AGPAT3: variants seen among roughly 807,000 people sequenced by gnomAD.
AGPAT3 encodes the protein 1-acyl-sn-glycerol-3-phosphate acyltransferase gamma.
Under a neutral mutation model 47.3 loss-of-function variants are expected in AGPAT3, and 5 were observed. That is an observed-to-expected ratio of 0.11 (90% CI 0.06 to 0.22). The LOEUF (loss-of-function observed/expected upper bound fraction) is 0.22, where lower values mean the gene tolerates loss of function less well. Among genes scored for constraint, AGPAT3 ranks in the 10% least tolerant of loss-of-function variants. The pLI, the probability that AGPAT3 is intolerant of heterozygous loss-of-function variation, is 1.00. For missense variants in AGPAT3, 315 were observed against 493.0 expected (o/e 0.64, Z 3.42); for synonymous variants, 212 against 208.3 (o/e 1.02, Z -0.15).
At chr21:43,926,978 CAA>C (rs905520861) in intron 2 of AGPAT3, among the ~76,000 whole-genome samples, 6 of 54,478 alleles carry the variant, frequency 1.1e-4, no homozygotes, top group African/African-American at 3.2e-4. Context: ...GACTCTGTCT[CAA>C]AAAAAAAAAA....
chr21:43,940,285 A>T (rs1352199998), intron 2 of AGPAT3, among the ~76,000 whole-genome samples: 1 of 152,164 alleles, frequency 6.6e-6, no homozygotes, highest in African/African-American at 2.4e-5. Flanking sequence ...CTTCTCAGGG[A>T]TCTGTGTGGC....
At chr21:43,868,184 A>G (rs1746697591) in intron 1 of AGPAT3, among the ~76,000 whole-genome samples, 1 of 152,196 alleles carries the variant, frequency 6.6e-6, no homozygotes, top group Admixed American at 6.5e-5. Context: ...GTTGATGGTG[A>G]AAGTTGGCCA....
At chr21:43,871,141 T>A (rs1177875181) in intron 1 of AGPAT3, among the ~76,000 whole-genome samples, 1 of 152,258 alleles carries the variant, frequency 6.6e-6, no homozygotes, top group Non-Finnish European at 1.5e-5. Context: ...GGCTACAGTA[T>A]TTATTTCTTG....
Position 43,970,771 on chromosome 21 carries a change from G to A in AGPAT3, c.629G>A (p.Gly210Asp). The A allele has an allele frequency of 6.2e-7, 1 of 1,601,968 alleles. No individual in the cohort carries two copies. The highest frequency in any genetic ancestry group is 8.5e-7 in the Non-Finnish European group (1 of 1,171,380). The change falls in exon 6 of 10, where the codon GGC becomes GAC. Residue 210 changes from glycine to aspartate, a missense_variant. Transcript: ENST00000291572. This position sits in a 1 kb window ranked among gnomAD's most constrained non-coding sequence, Gnocchi z 5.8. ...TACCACCTGCTGCCGCGGACCAAGG[G>A]CTTCACCACCGCAGTCAAGTGCCTC... ...LKYHLLPRTK[G>D]FTTAVKCLRG...
intron 2 of AGPAT3, among the ~76,000 whole-genome samples, chr21:43,956,733 A>G (rs989333942): frequency 6.6e-6 from 1 of 152,198 alleles, no homozygotes; most frequent in Non-Finnish European, 1.5e-5. Flanking sequence ...AGGTTTGACC[A>G]GGGCCAGAGG....
chr21:43,975,377 C>T (rs574908127), intron 7 of AGPAT3, among the ~76,000 whole-genome samples: 53 of 148,590 alleles, frequency 3.6e-4, no homozygotes, highest in African/African-American at 1.2e-3. Flanking sequence ...CATGTGCTGG[C>T]ATGTGTCGGT....
At chr21:43,873,168 C>T (rs2085658353) in intron 1 of AGPAT3, among the ~76,000 whole-genome samples, 1 of 152,070 alleles carries the variant, frequency 6.6e-6, no homozygotes, top group Non-Finnish European at 1.5e-5. Context: ...CTGAGGTGCT[C>T]ATAGTGGCAT....
rs778066181 is a variant in AGPAT3, at chr21:43,981,213, C to T, written c.1042+26C>T. 5 of 1,610,948 alleles carry T rather than the reference C, an allele frequency of 3.1e-6. No individual in the cohort carries two copies. In the South Asian group the frequency reaches 4.4e-5, roughly 14 times the overall value. ...GTAATGGACACTGTCGCTAACAGCT[C>T]ACACTCTGACGGGCCTCACAGTATC... On this transcript the variant is annotated intron_variant, in intron 9 of 9. Transcript: ENST00000291572. The surrounding 1 kb of genome is among the most constrained non-coding windows in gnomAD (Gnocchi z 5.3).
Position 43,880,353 on chromosome 21 carries a change from C to T in AGPAT3, c.-112+15008C>T, listed in dbSNP as rs577884486. On this transcript the variant is annotated intron_variant, in intron 1 of 9. Transcript: ENST00000291572. The surrounding 1 kb of genome is among the most constrained non-coding windows in gnomAD (Gnocchi z 4.5). ...CACACTGGAGAGGCATCTGCAGGGG[C>T]GGGGTGGGGCTCCTGGTCAGCCTGT... Among the ~76,000 whole-genome samples the T allele has an allele frequency of 2.6e-5, 4 of 152,268 alleles. No homozygotes were observed. Among genetic ancestry groups the T allele is most frequent in the South Asian group, 2.1e-4 (1 of 4,826 alleles).
At position 43,913,132 on chromosome 21, in the gene AGPAT3, C is replaced by A. The variant is rs551599723; in HGVS notation, c.-49+9113C>A. 7.2e-5 allele frequency among the ~76,000 whole-genome samples: 11 copies of A among 152,330 alleles called. No homozygotes were observed. The South Asian group carries it at 2.3e-3, about 32-fold the overall frequency. ...TCAGATGAACTTTGTTAGTCAATTT[C>A]CTCATAGCAAACCATCCTTGCATTC... On this transcript the variant is annotated intron_variant, in intron 2 of 9. Coordinates refer to ENST00000291572, the MANE Select transcript of AGPAT3 (RefSeq NM_020132.5).
intron 2 of AGPAT3, 125 bp from the exon 3 acceptor site, chr21:43,959,509 G>C (rs2088719770): frequency 1.2e-6 from 1 of 808,958 alleles, no homozygotes; most frequent in Non-Finnish European, 2.0e-6. Flanking sequence ...GGTTTGCAGT[G>C]TGCTGTGCAG....
intron 1 of AGPAT3, among the ~76,000 whole-genome samples, chr21:43,878,369 G>T (rs1175012784): frequency 2.0e-5 from 3 of 152,214 alleles, no homozygotes; most frequent in African/African-American, 7.2e-5. Flanking sequence ...TGTCTCTGCG[G>T]CCTGCCCGCT....
chr21:43,913,635 T>C (rs2086671421), intron 2 of AGPAT3, among the ~76,000 whole-genome samples: 1 of 152,208 alleles, frequency 6.6e-6, no homozygotes. Flanking sequence ...GAGTTGCGGC[T>C]ATTGTGGTCC....
In AGPAT3 at chr21:43,970,626, G is replaced by C. The variant is rs1486330598; in HGVS notation, c.511-27G>C. The C allele has an allele frequency of 6.2e-7, 1 of 1,612,080 alleles. No homozygotes were observed. The highest frequency in any genetic ancestry group is 1.3e-5 in the African/African-American group (1 of 74,974). On this transcript the variant is annotated intron_variant, in intron 5 of 9. Transcript: ENST00000291572. This position sits in a 1 kb window ranked among gnomAD's most constrained non-coding sequence, Gnocchi z 5.8. ...GCACCCACCCCAGCTGCTCTGTGGA[G>C]TGACCCTGTCTCCGTGTTGATCCTA...
intron 2 of AGPAT3, among the ~76,000 whole-genome samples, chr21:43,937,507 C>T (rs1245631144): frequency 2.6e-5 from 4 of 152,214 alleles, no homozygotes; most frequent in African/African-American, 9.7e-5. Flanking sequence ...GCCTCTGCAC[C>T]AGCCATCACA....
At position 43,969,111 on chromosome 21, in the gene AGPAT3, C is replaced by T; in HGVS notation, c.349-7C>T. On this transcript the variant is annotated splice_region_variant and splice_polypyrimidine_tract_variant and intron_variant, in intron 4 of 9. Transcript: ENST00000291572. ...GTGCCAGGTGCCCCTCCTTCTCCTC[C>T]CTCCAGAGCTCCAAGGTCCTCGCTA... The T allele has an allele frequency of 6.2e-7, 1 of 1,613,870 alleles. No homozygotes were observed. The highest frequency in any genetic ancestry group is 8.5e-7 in the Non-Finnish European group (1 of 1,179,792).
rs1025945175 is a variant in AGPAT3 at position 43,934,670 on chromosome 21, A to G, written c.-48-24964A>G. On this transcript the variant is annotated intron_variant, in intron 2 of 9. Transcript: ENST00000291572. This position sits in a 1 kb window ranked among gnomAD's most constrained non-coding sequence, Gnocchi z 4.7. Reference sequence around the variant, plus strand: ...TCAAGCCCTGGTCGTGAGCAGGATGACATTCAGATAGCTGGGAGCACGAGG... The same window carrying G: ...TCAAGCCCTGGTCGTGAGCAGGATGGCATTCAGATAGCTGGGAGCACGAGG... Among the ~76,000 whole-genome samples the G allele has an allele frequency of 1.3e-5, 2 of 152,152 alleles. No individual in the cohort carries two copies. Among genetic ancestry groups the G allele is most frequent in the Admixed American group, 6.5e-5 (1 of 15,272 alleles).
intron 3 of AGPAT3, among the ~76,000 whole-genome samples, chr21:43,963,707 CAA>C (rs10582784): frequency 0.013 from 837 of 65,698 alleles, 4 homozygotes; most frequent in African/African-American, 0.031. Context: ...GACTCTGTCT[CAA>C]AAAAAAAAAA....
At chr21:43,980,488 TC>T (rs1473174470) in intron 8 of AGPAT3, among the ~76,000 whole-genome samples, 2 of 152,114 alleles carry the variant, frequency 1.3e-5, no homozygotes, top group African/African-American at 4.8e-5. Flanking sequence ...GGCTCCTCTC[TC>T]CTCCCAGCTC....
Sources: allele counts gnomAD v4.1 joint callset (sites outside exome capture counted in the v4.1 genomes callset), GRCh38; gene constraint gnomAD v4.1.1; non-coding constraint Gnocchi (gnomAD v3.1); transcripts MANE v1.5; gene names NCBI Gene and HGNC (gene_info 2026-07-23, HGNC 2026-07-21).